Variants in CSAD observed in about 807,000 individuals in gnomAD.
The protein encoded by CSAD is cysteine sulfinic acid decarboxylase, also known as P-selectin cytoplasmic tail-associated protein.
Under a neutral mutation model 61.5 loss-of-function variants are expected in CSAD, and 47 were observed. The ratio of observed to expected loss-of-function variants is 0.76; its 90% CI spans 0.60 to 0.97. CSAD has a LOEUF of 0.97. Ranked by LOEUF, CSAD falls within the 50% of genes least tolerant of loss-of-function variation. The pLI is 0.00. For missense variants in CSAD, 611 were observed against 643.6 expected (o/e 0.95, Z 0.55); for synonymous variants, 245 against 252.7 (o/e 0.97, Z 0.29).
At chr12:53,171,553 C>T (rs1454666888) in intron 7 of CSAD, 112 bp from the exon 8 acceptor site, 2 of 1,003,378 alleles carry the variant, frequency 2.0e-6, no homozygotes, top group Non-Finnish European at 3.0e-6. Flanking sequence ...GTATGACTGG[C>T]TCCCAGGCCA....
chr12:53,160,647 C>A (rs761798746), intron 13 of CSAD, 116 bp downstream of exon 13: 6 of 924,564 alleles, frequency 6.5e-6, no homozygotes, highest in Non-Finnish European at 1.0e-5. Context: ...TGAGATGCAG[C>A]TTCAGAAGGG....
intron 1 of CSAD, chr12:53,179,799 GA>G: frequency 6.2e-7 from 1 of 1,613,646 alleles, no homozygotes; most frequent in Non-Finnish European, 8.5e-7. Flanking sequence ...GACTTCAGTG[GA>G]ATTGACATCT....
rs1311983337 is a variant in CSAD, at chr12:53,160,309, T to C, written c.977A>G (p.Lys326Arg). The part of the protein sequence containing the change: ...LLLQDTSNLL[K>R]RCHGSQASYL... ...GCTGGCCTGGGACCCATGGCAGCGC[T>C]TGAGCAGGTTCTGTGTGGGGGTGAG... The change falls in exon 14 of 17, where the codon AAG (lysine) becomes AGG (arginine). Residue 326 changes from lysine (K) to arginine (R), a missense_variant. Physicochemically the swap from Lys to Arg is conservative, Grantham distance 26. Transcript: ENST00000444623. 4.3e-6 allele frequency: 7 copies of C among 1,614,188 alleles called. No individual in the cohort carries two copies. The highest frequency in any genetic ancestry group is 3.3e-5 in the Admixed American group (2 of 60,032).
At chr12:53,172,288 ACCT>A in intron 6 of CSAD, 55 bp downstream of exon 6, 8 of 1,455,492 alleles carry the variant, frequency 5.5e-6, no homozygotes, top group Non-Finnish European at 6.8e-6. Context: ...CCCCTCAGGC[ACCT>A]CTCTAGCAAA....
chr12:53,181,237 CG>C (rs1298905965), upstream of CSAD: 1 of 985,354 alleles, frequency 1.0e-6, no homozygotes. Flanking sequence ...TTCGGGCGGA[CG>C]GGGAGAACGC....
chr12:53,162,369 A>G (rs1019896012), intron 10 of CSAD, among the ~76,000 whole-genome samples: 2 of 151,758 alleles, frequency 1.3e-5, no homozygotes, highest in African/African-American at 4.8e-5. Flanking sequence ...GGAGTTCAAG[A>G]CCAGCCTGGC....
intron 10 of CSAD, among the ~76,000 whole-genome samples, chr12:53,168,383 T>C (rs543597161): frequency 1.3e-5 from 2 of 152,328 alleles, no homozygotes; most frequent in African/African-American, 2.4e-5. Context: ...TTATATGTTA[T>C]GTGAATTATA....
chr12:53,172,341 C>T lies in CSAD; in HGVS notation c.344+5G>A. 6.2e-7 allele frequency: 1 copy of T among 1,612,874 alleles called. No individual in the cohort carries two copies. Among genetic ancestry groups the T allele is most frequent in the Non-Finnish European group, 8.5e-7 (1 of 1,178,896 alleles). ...GGGATGGTAGAGGGGCCTTGGGATG[C>T]TCACTGGCTGGTGTTGAGGCTCTCA... On this transcript the variant is annotated splice_donor_5th_base_variant and intron_variant, in intron 6 of 16. Coordinates refer to ENST00000444623, the MANE Select transcript of CSAD (RefSeq NM_001244705.2).
chr12:53,173,643 G>T, intron 3 of CSAD, 85 bp downstream of exon 3: 1 of 1,433,056 alleles, frequency 7.0e-7, no homozygotes, highest in Non-Finnish European at 9.8e-7. Flanking sequence ...GAAAACCAGT[G>T]GGAACAGGTG....
Position 53,179,742 on chromosome 12 carries a change from T to C in CSAD, c.-90-600A>G, listed in dbSNP as rs780197472. The C allele has an allele frequency of 9.7e-6, 15 of 1,546,454 alleles. No homozygotes were observed. In the East Asian group the frequency reaches 2.7e-4, roughly 28 times the overall value. On this transcript the variant is annotated intron_variant, in intron 1 of 16. Coordinates refer to ENST00000444623, the MANE Select transcript of CSAD (RefSeq NM_001244705.2). Reference sequence around the variant, plus strand: ...TTTTTTTTTCTTTTGGTATCACCATTACTTCTCCTAAAGTCACGACATAAT... The same window carrying C: ...TTTTTTTTTCTTTTGGTATCACCATCACTTCTCCTAAAGTCACGACATAAT...
At chr12:53,159,533 C>T in intron 16 of CSAD, 90 bp downstream of exon 16, 2 of 1,084,338 alleles carry the variant, frequency 1.8e-6, no homozygotes, top group African/African-American at 1.6e-5. Flanking sequence ...GCAAGGAGAC[C>T]TGCCATGCCA....
At chr12:53,178,947 G>A (rs190159025) in intron 2 of CSAD, among the ~76,000 whole-genome samples, 155 bp downstream of exon 2, 160 of 152,128 alleles carry the variant, frequency 1.1e-3, no homozygotes, top group African/African-American at 3.7e-3. Context: ...CCCGCCTCCC[G>A]GGTTCAAGTG....
rs1354611486 is a variant in CSAD at position 53,180,253 on chromosome 12, CGGA to C, written c.-91+476_-91+478del. On this transcript the variant is annotated intron_variant, in intron 1 of 16. Transcript: ENST00000444623. Reference sequence around the variant, plus strand: ...TAATCTGGGCCTGACGGAAAAAATTCGGAGAAGAACCACCTCGGCCGAGTTACG... The same window carrying C: ...TAATCTGGGCCTGACGGAAAAAATTCGAAGAACCACCTCGGCCGAGTTACG... The C allele has an allele frequency of 4.1e-6, 4 of 985,384 alleles. No homozygotes were observed. In the South Asian group the frequency reaches 1.4e-4, roughly 35 times the overall value. 61.0% of individuals were successfully genotyped at this position (985,384 alleles called of 1,614,324 possible). A position where few individuals can be genotyped will look rare whatever the true frequency, so the allele number is the denominator to read the frequency against.
At chr12:53,175,767 T>A (rs1941057604) in intron 2 of CSAD, among the ~76,000 whole-genome samples, 1 of 152,232 alleles carries the variant, frequency 6.6e-6, no homozygotes, top group Admixed American at 6.5e-5. Context: ...CAACCAAGAA[T>A]CTGTAGTAAT....
chr12:53,174,396 A>T (rs1049447075), intron 2 of CSAD, among the ~76,000 whole-genome samples: 5 of 152,130 alleles, frequency 3.3e-5, no homozygotes, highest in Admixed American at 2.0e-4. Context: ...GGGTGTTGTT[A>T]TGGATGATTT....
chr12:53,161,337 G>A lies in CSAD; in HGVS notation c.755C>T (p.Ala252Val). The A allele has an allele frequency of 7.4e-6, 12 of 1,614,078 alleles. No homozygotes were observed. Among genetic ancestry groups the A allele is most frequent in the Non-Finnish European group, 9.3e-6 (11 of 1,180,014 alleles). The change falls in exon 11 of 17, where the codon GCC (alanine) becomes GTC (valine). Residue 252 changes from alanine to valine, a missense_variant. Transcript: ENST00000444623. The part of the protein sequence containing the change: ...SATSGTTVLG[A>V]FDPLEAIADV... ...AGCAATTGCCTCCAGGGGGTCAAAG[G>A]CCCCTAGCACAGTGGTGCCAGAGGT...
At chr12:53,161,229 G>T in intron 11 of CSAD, 38 bp from the exon 12 acceptor site, 1 of 1,613,722 alleles carries the variant, frequency 6.2e-7, no homozygotes, top group Non-Finnish European at 8.5e-7. Flanking sequence ...CTTGGCCTTG[G>T]CTCAGCCCAC....
rs750278506 is a variant in CSAD at position 53,170,416 on chromosome 12, C to CCTT, written c.647+4_647+6dup. The CCTT allele has an allele frequency of 6.2e-7, 1 of 1,613,354 alleles. No homozygotes were observed. The highest frequency in any genetic ancestry group is 8.5e-7 in the Non-Finnish European group (1 of 1,179,322). On this transcript the variant is annotated splice_region_variant and intron_variant, in intron 9 of 16. Transcript: ENST00000444623. ...GGTCACAGCCATGTGGGCAGAAGGACCTTCACCTCTCATCAGCCTTGACCA... is the reference window on the plus strand; with the variant it reads ...GGTCACAGCCATGTGGGCAGAAGGACCTTCTTCACCTCTCATCAGCCTTGACCA...
At chr12:53,162,694 A>C (rs1237606717) in intron 10 of CSAD, among the ~76,000 whole-genome samples, 1 of 151,662 alleles carries the variant, frequency 6.6e-6, no homozygotes, top group African/African-American at 2.4e-5. Context: ...AGGCCAAGGC[A>C]GGAGAATTGC....
Sources: gnomAD v4.1 joint callset for allele counts (sites outside exome capture counted in the v4.1 genomes callset) on GRCh38, gnomAD v4.1.1 for gene constraint, MANE v1.5 for transcripts, NCBI Gene and HGNC (gene_info 2026-07-23, HGNC 2026-07-21) for gene names.